Variants in ERP44 observed in about 807,000 individuals in gnomAD.
ERP44 encodes endoplasmic reticulum protein 44.
Under a neutral mutation model 53.4 loss-of-function variants are expected in ERP44, and 25 were observed. The ratio of observed to expected loss-of-function variants is 0.47; its 90% CI spans 0.34 to 0.65. The LOEUF (loss-of-function observed/expected upper bound fraction) is 0.65, where lower values mean the gene tolerates loss of function less well. ERP44 is among the 30% of genes least tolerant of loss of function. The pLI is 0.01. For synonymous variants in ERP44, 145 were observed against 161.2 expected (o/e 0.90, Z 0.76); for missense variants, 338 against 493.2 (o/e 0.69, Z 2.98).
chr9:100,044,870 A>G (rs1032701665), intron 4 of ERP44, among the ~76,000 whole-genome samples: 7 of 152,232 alleles, frequency 4.6e-5, no homozygotes, highest in African/African-American at 1.7e-4. Flanking sequence ...ATGACCCATT[A>G]TAGACTATTT....
chr9:100,010,828 G>A (rs535427894), intron 8 of ERP44, among the ~76,000 whole-genome samples: 2 of 151,580 alleles, frequency 1.3e-5, no homozygotes, highest in Non-Finnish European at 2.9e-5. Context: ...TTGAACCTGG[G>A]GGGCAGAGGT....
At chr9:99,994,005 G>C (rs1008127071) in intron 10 of ERP44, among the ~76,000 whole-genome samples, 26 of 152,238 alleles carry the variant, frequency 1.7e-4, no homozygotes, top group African/African-American at 6.0e-4. Flanking sequence ...GGAAACAACA[G>C]GTGCTGGAGA....
intron 1 of ERP44, among the ~76,000 whole-genome samples, chr9:100,064,938 G>C (rs1243872220): frequency 6.6e-6 from 1 of 152,132 alleles, no homozygotes; most frequent in Non-Finnish European, 1.5e-5. Context: ...TAACAAAAGA[G>C]TCAAACGTTT....
At position 99,980,969 on chromosome 9, in the gene ERP44, T is replaced by G. The variant is rs533089080; in HGVS notation, c.*1643A>C. ...CAAACCCAGTTACAGGATTACTATA[T>G]TATTCCAGTTGATTGCATGTGCTGC... On this transcript the variant is annotated 3_prime_UTR_variant, in exon 12 of 12. Transcript: ENST00000262455. 5.9e-5 allele frequency: 9 copies of G among 152,374 alleles called. No homozygotes were observed. The East Asian group carries it at 1.7e-3, about 29-fold the overall frequency. 9.4% of individuals were successfully genotyped at this position (152,374 alleles called of 1,614,324 possible). A position where few individuals can be genotyped will look rare whatever the true frequency, so the allele number is the denominator to read the frequency against.
At chr9:100,087,957 A>C (rs1342186744) in intron 1 of ERP44, among the ~76,000 whole-genome samples, 1 of 152,202 alleles carries the variant, frequency 6.6e-6, no homozygotes, top group Non-Finnish European at 1.5e-5. Flanking sequence ...TTCGGGAATC[A>C]AAAAACACGT....
In ERP44 at chr9:99,981,302, A is replaced by T. The variant is rs41273939; in HGVS notation, c.*1310T>A. 1,429 of 152,652 alleles carry T rather than the reference A, an allele frequency of 9.4e-3. 8 individuals carry two copies. The highest frequency in any genetic ancestry group is 0.021 in the Admixed American group (320 of 15,310). 9.5% of individuals were successfully genotyped at this position (152,652 alleles called of 1,614,324 possible). A position where few individuals can be genotyped will look rare whatever the true frequency, so the allele number is the denominator to read the frequency against. Reference sequence around the variant, plus strand: ...TTATAAGCTGGTTTTTAAAAATAACAATCATTAAATATCCATTATAAATAT... The same window carrying T: ...TTATAAGCTGGTTTTTAAAAATAACTATCATTAAATATCCATTATAAATAT... On this transcript the variant is annotated 3_prime_UTR_variant, in exon 12 of 12. Transcript: ENST00000262455.
chr9:100,013,901 C>T (rs1243860523), intron 8 of ERP44, among the ~76,000 whole-genome samples: 2 of 152,102 alleles, frequency 1.3e-5, no homozygotes. Flanking sequence ...TCTAAATGTC[C>T]ACCAATAGTA....
intron 1 of ERP44, among the ~76,000 whole-genome samples, chr9:100,074,615 C>G (rs1564103825): frequency 6.6e-6 from 1 of 152,198 alleles, no homozygotes; most frequent in Non-Finnish European, 1.5e-5. Context: ...AAGGACCCCA[C>G]TACACTACCA....
At chr9:99,996,525 C>A (rs1294762886) in intron 10 of ERP44, among the ~76,000 whole-genome samples, 1 of 103,458 alleles carries the variant, frequency 9.7e-6, no homozygotes, top group Non-Finnish European at 1.8e-5. Context: ...AACAAAGACA[C>A]CATTATTCTT....
At chr9:100,011,614 T>C (rs965683615) in intron 8 of ERP44, among the ~76,000 whole-genome samples, 2 of 152,024 alleles carry the variant, frequency 1.3e-5, no homozygotes, top group African/African-American at 4.8e-5. Flanking sequence ...TAATTAAAGA[T>C]AGAAAGACAC....
chr9:100,093,521 G>A (rs138319041), intron 1 of ERP44, among the ~76,000 whole-genome samples: 117 of 152,296 alleles, frequency 7.7e-4, no homozygotes, highest in African/African-American at 2.5e-3. Context: ...GCTTGTGCCT[G>A]TAGTCCCAGC....
chr9:99,998,867 A>G, intron 10 of ERP44: 3 of 1,519,890 alleles, frequency 2.0e-6, no homozygotes, highest in Non-Finnish European at 2.7e-6. Context: ...TCTTCTAGCA[A>G]TGAGCTCTCT....
intron 1 of ERP44, among the ~76,000 whole-genome samples, chr9:100,094,258 A>C (rs1826597258): frequency 6.6e-6 from 1 of 152,226 alleles, no homozygotes; most frequent in Admixed American, 6.5e-5. Context: ...CTACAATTTA[A>C]TCCAAGTGGA....
At chr9:100,075,894 G>A (rs1826350044) in intron 1 of ERP44, among the ~76,000 whole-genome samples, 1 of 152,120 alleles carries the variant, frequency 6.6e-6, no homozygotes, top group African/African-American at 2.4e-5. Context: ...AACAGGTCCA[G>A]GCTGCTGTGC....
intron 3 of ERP44, among the ~76,000 whole-genome samples, chr9:100,054,222 A>C (rs918439783): frequency 6.6e-6 from 1 of 152,182 alleles, no homozygotes; most frequent in Admixed American, 6.5e-5. Context: ...TAAACATTCA[A>C]TATATGTATT....
intron 6 of ERP44, among the ~76,000 whole-genome samples, chr9:100,019,564 A>G (rs1052803509): frequency 1.3e-5 from 2 of 152,140 alleles, no homozygotes; most frequent in Non-Finnish European, 2.9e-5. Flanking sequence ...GAAAAGAGAA[A>G]TAATACTGCA....
chr9:100,094,017 A>C (rs1301287398), intron 1 of ERP44, among the ~76,000 whole-genome samples: 1 of 152,252 alleles, frequency 6.6e-6, no homozygotes, highest in Non-Finnish European at 1.5e-5. Flanking sequence ...CTTTTGCCCT[A>C]GCAACTGCAA....
chr9:99,983,012 G>C (rs2118594126), intron 11 of ERP44, among the ~76,000 whole-genome samples: 1 of 152,258 alleles, frequency 6.6e-6, no homozygotes, highest in African/African-American at 2.4e-5. Flanking sequence ...TGCTTTCCTA[G>C]ACTAGTCGAC....
At chr9:100,050,561 C>T (rs1361877628) in intron 4 of ERP44, among the ~76,000 whole-genome samples, 2 of 152,272 alleles carry the variant, frequency 1.3e-5, no homozygotes, top group Admixed American at 6.5e-5. Context: ...AACAAAACTA[C>T]AGTTTGTCTT....
Sources: gnomAD v4.1 joint callset for allele counts (sites outside exome capture counted in the v4.1 genomes callset) on GRCh38, gnomAD v4.1.1 for gene constraint, MANE v1.5 for transcripts, NCBI Gene and HGNC (gene_info 2026-07-23, HGNC 2026-07-21) for gene names.